The following MYO1D variants were observed in gnomAD, a reference collection of about 807,000 sequenced individuals.
MYO1D encodes unconventional myosin-Id.
In MYO1D, 83 loss-of-function variants were observed where a neutral mutation model predicts 122.0. The observed-to-expected ratio is 0.68, with a 90% CI of 0.57 to 0.82. The LOEUF (loss-of-function observed/expected upper bound fraction) is 0.82. Ranked by LOEUF, MYO1D falls within the 40% of genes least tolerant of loss-of-function variation. MYO1D has a pLI of 0.00. For synonymous variants in MYO1D, 464 were observed against 446.9 expected (o/e 1.04, Z -0.48); for missense variants, 1,157 against 1,269.5 (o/e 0.91, Z 1.35).
chr17:32,609,792 A>C (rs1043151424), intron 20 of MYO1D, among the ~76,000 whole-genome samples: 3 of 152,198 alleles, frequency 2.0e-5, no homozygotes, highest in Non-Finnish European at 2.9e-5. Flanking sequence ...GGAAAATATT[A>C]AAGAAATTGG....
intron 11 of MYO1D, among the ~76,000 whole-genome samples, chr17:32,751,976 T>A (rs1340560819): frequency 6.6e-6 from 1 of 152,150 alleles, no homozygotes; most frequent in Non-Finnish European, 1.5e-5. Context: ...AAAGCAATTC[T>A]AAGCAAAAAG....
intron 20 of MYO1D, chr17:32,627,777 G>A (rs1226604311): frequency 6.6e-6 from 1 of 152,088 alleles, no homozygotes; most frequent in Non-Finnish European, 1.5e-5. Context: ...AACAAAAGAA[G>A]GGTAAGAAGA....
intron 21 of MYO1D, among the ~76,000 whole-genome samples, chr17:32,598,307 G>A (rs2087521867): frequency 6.6e-6 from 1 of 152,162 alleles, no homozygotes; most frequent in Admixed American, 6.5e-5. Flanking sequence ...ACATGAAGCG[G>A]AGGTTGCAGT....
chr17:32,555,485 T>C (rs1307901556), intron 21 of MYO1D, among the ~76,000 whole-genome samples: 1 of 152,144 alleles, frequency 6.6e-6, no homozygotes, highest in Admixed American at 6.5e-5. Context: ...TTCTAAAATT[T>C]CTACAAATAG....
intron 20 of MYO1D, 90 bp downstream of exon 20, chr17:32,638,630 CAA>C (rs1280070976): frequency 6.5e-6 from 5 of 769,690 alleles, no homozygotes; most frequent in Non-Finnish European, 1.0e-5. Flanking sequence ...CCTAAAGCCC[CAA>C]AGATTCTAGA....
chr17:32,597,489 TA>T (rs11314895), intron 21 of MYO1D, among the ~76,000 whole-genome samples: 77,642 of 150,416 alleles, frequency 0.52, 20,405 homozygotes, highest in Middle Eastern at 0.58. Context: ...ACCATTTTTG[TA>T]AAAAAAAAAG....
At chr17:32,577,939 C>T (rs2087294171) in intron 21 of MYO1D, among the ~76,000 whole-genome samples, 1 of 152,150 alleles carries the variant, frequency 6.6e-6, no homozygotes, top group Non-Finnish European at 1.5e-5. Flanking sequence ...CAGGATTTCA[C>T]TGTGTTAGCC....
intron 12 of MYO1D, 114 bp downstream of exon 12, chr17:32,748,822 T>G: frequency 2.1e-6 from 2 of 961,892 alleles, no homozygotes; most frequent in Non-Finnish European, 1.6e-6. Context: ...TATTGACATA[T>G]CAAATGACCA....
chr17:32,542,864 T>G (rs571477019), intron 21 of MYO1D, among the ~76,000 whole-genome samples: 1 of 152,066 alleles, frequency 6.6e-6, no homozygotes, highest in African/African-American at 2.4e-5. Context: ...TTGGGGAGCA[T>G]AGCCTACAGA....
chr17:32,680,589 C>T, intron 16 of MYO1D, among the ~76,000 whole-genome samples: 2 of 131,376 alleles, frequency 1.5e-5, no homozygotes, highest in African/African-American at 6.0e-5. Context: ...ATTGAACCAG[C>T]CTTGCATCCC....
intron 16 of MYO1D, among the ~76,000 whole-genome samples, chr17:32,667,946 A>C (rs1361456755): frequency 1.3e-5 from 2 of 152,232 alleles, no homozygotes; most frequent in Non-Finnish European, 2.9e-5. Flanking sequence ...TATCAGAAGA[A>C]CAGCCCAATA....
intron 16 of MYO1D, among the ~76,000 whole-genome samples, chr17:32,688,236 T>C (rs9892102): frequency 0.075 from 11,375 of 152,186 alleles, 1,451 homozygotes; most frequent in African/African-American, 0.26. Flanking sequence ...CAACTCCTAC[T>C]TGTAAAATGA....
intron 16 of MYO1D, among the ~76,000 whole-genome samples, chr17:32,701,092 G>T (rs1259561979): frequency 6.6e-6 from 1 of 151,966 alleles, no homozygotes; most frequent in Non-Finnish European, 1.5e-5. Flanking sequence ...ATAAGAAATG[G>T]TAAGAGGGAA....
intron 1 of MYO1D, among the ~76,000 whole-genome samples, chr17:32,828,383 G>A (rs1197344187): frequency 6.6e-6 from 1 of 152,026 alleles, no homozygotes; most frequent in Non-Finnish European, 1.5e-5. Flanking sequence ...GGGCATAGTG[G>A]CAGGTGCCTG....
chr17:32,659,424 CAA>C, intron 16 of MYO1D, 86 bp from the exon 17 acceptor site: 6 of 1,357,306 alleles, frequency 4.4e-6, no homozygotes, highest in Non-Finnish European at 6.2e-6. Flanking sequence ...CCTCTACTTA[CAA>C]ACTCAACCAG....
At chr17:32,641,179 T>C (rs1008734774) in intron 19 of MYO1D, among the ~76,000 whole-genome samples, 1 of 148,778 alleles carries the variant, frequency 6.7e-6, no homozygotes, top group Admixed American at 6.9e-5. Flanking sequence ...AGTGAGAACA[T>C]GTGGTGTTTG....
chr17:32,838,663 T>A (rs115101186), intron 1 of MYO1D, among the ~76,000 whole-genome samples: 183 of 152,266 alleles, frequency 1.2e-3, no homozygotes, highest in African/African-American at 4.2e-3. Context: ...GAGAGCAAAG[T>A]AAGCCACCGA....
chr17:32,763,738 G>T (rs184786527), intron 8 of MYO1D, among the ~76,000 whole-genome samples: 3 of 152,204 alleles, frequency 2.0e-5, no homozygotes, highest in East Asian at 3.9e-4. Context: ...TGGTCAACAT[G>T]GTGAAACCTT....
chr17:32,766,459 G>C (rs944812390), intron 7 of MYO1D, among the ~76,000 whole-genome samples: 2 of 151,958 alleles, frequency 1.3e-5, no homozygotes, highest in African/African-American at 2.4e-5. Flanking sequence ...TACTTTATTT[G>C]ATCTTTTTCC....
Sources: allele counts gnomAD v4.1 joint callset (sites outside exome capture counted in the v4.1 genomes callset), GRCh38; gene constraint gnomAD v4.1.1; transcripts MANE v1.5; gene names NCBI Gene and HGNC (gene_info 2026-07-23, HGNC 2026-07-21).